The following HPSE variants were observed in gnomAD, a reference collection of about 807,000 sequenced individuals.
HPSE encodes endo-glucoronidase.
A neutral mutation model predicts 65.1 loss-of-function variants in HPSE; 48 were observed. The ratio of observed to expected loss-of-function variants is 0.74; its 90% CI spans 0.58 to 0.94. The LOEUF (loss-of-function observed/expected upper bound fraction) is 0.94. Ranked by LOEUF, HPSE falls within the 40% of genes least tolerant of loss-of-function variation. The probability of loss-of-function intolerance (pLI) is 0.00; values close to 1 mark genes in which losing one functional copy is unlikely to be tolerated. For missense variants in HPSE, 644 were observed against 637.5 expected, an observed-to-expected ratio of 1.01 and a Z score of -0.11; for synonymous variants, 243 against 260.0, an observed-to-expected ratio of 0.93 and a Z score of 0.63.
At chr4:83,304,394 G>T (rs975078511) in intron 9 of HPSE, among the ~76,000 whole-genome samples, 8 of 152,188 alleles carry the variant, frequency 5.3e-5, no homozygotes, top group Admixed American at 5.2e-4. Flanking sequence ...CTTCCCAGTT[G>T]CCTTTAGCTC....
chr4:83,313,119 CCTAGTTCCCAAGAAATGT>C lies in HPSE; in HGVS notation c.650_667del (p.Asn217_Gly223delinsSer). 1 of 1,607,388 alleles carries C rather than the reference CCTAGTTCCCAAGAAATGT, an allele frequency of 6.2e-7. No individual in the cohort carries two copies. Among genetic ancestry groups the C allele is most frequent in the Non-Finnish European group, 8.5e-7 (1 of 1,174,502 alleles). On this transcript the variant is annotated inframe_deletion, in exon 4 of 12. Coordinates refer to ENST00000311412, the MANE Select transcript of HPSE (RefSeq NM_001098540.3). Reference sequence around the variant, plus strand: ...TTGTTCCCTGGGGTACTCACCATTGCCTAGTTCCCAAGAAATGTTATACCCCTTGGAAGAGCAGTAGTC... The same window carrying C: ...TTGTTCCCTGGGGTACTCACCATTGCTATACCCCTTGGAAGAGCAGTAGTC...
chr4:83,300,447 T>C (rs1009462893), intron 11 of HPSE, among the ~76,000 whole-genome samples: 3 of 152,248 alleles, frequency 2.0e-5, no homozygotes, highest in African/African-American at 7.2e-5. Flanking sequence ...AAATGCAAAC[T>C]TATTCTCTAA....
intron 3 of HPSE, 69 bp from the exon 4 acceptor site, chr4:83,313,356 C>A: frequency 1.1e-6 from 1 of 928,168 alleles, no homozygotes; most frequent in South Asian, 2.1e-5. Context: ...ATTCGCTTTT[C>A]ATAATGAATA....
chr4:83,304,014 C>A lies in HPSE; in HGVS notation c.1207-1746G>T, dbSNP rs1344612547. ...TGGACCTCTGTAACAAGACAGAAAA[C>A]AGGAGAAAACAAACAGAAGCTTGTT... is the stretch of plus-strand genomic sequence containing the variant. On this transcript the variant is annotated intron_variant, in intron 9 of 11. Transcript: ENST00000311412. Among the ~76,000 whole-genome samples, 4 of 17,784 alleles carry A rather than the reference C, an allele frequency of 2.2e-4. No homozygotes were observed. In the South Asian group the frequency reaches 0.29, roughly 1,270 times the overall value. 11.7% of individuals were successfully genotyped at this position (17,784 alleles called of 152,430 possible). A position where few individuals can be genotyped will look rare whatever the true frequency, so the allele number is the denominator to read the frequency against.
At chr4:83,321,882 G>A (rs1055181772) in intron 2 of HPSE, among the ~76,000 whole-genome samples, 26 of 151,556 alleles carry the variant, frequency 1.7e-4, no homozygotes, top group African/African-American at 5.1e-4. Context: ...TTAGTTTGAC[G>A]CGATTCTACC....
chr4:83,319,848 G>A (rs777065176), intron 2 of HPSE, among the ~76,000 whole-genome samples: 3 of 151,838 alleles, frequency 2.0e-5, no homozygotes, highest in Non-Finnish European at 4.4e-5. Flanking sequence ...ATCACTTGAG[G>A]TCAGGAGTTC....
rs754483152 is a variant in HPSE at position 83,322,471 on chromosome 4, G to A, written c.228-107C>T. 189 of 902,196 alleles carry A rather than the reference G, an allele frequency of 2.1e-4. 1 individual carries two copies. The highest frequency in any genetic ancestry group is 1.8e-4 in the Non-Finnish European group (113 of 613,270). The allele number at this position is 902,196 out of a possible 1,614,324, so 55.9% of individuals were successfully genotyped here. On this transcript the variant is annotated intron_variant, in intron 1 of 11. Transcript: ENST00000311412. ...TGGACCTATTTCTTAACATTTCCCTGTGCAGGACTTAGAGGAGGAAATCAC... is the reference window on the plus strand; with the variant it reads ...TGGACCTATTTCTTAACATTTCCCTATGCAGGACTTAGAGGAGGAAATCAC...
chr4:83,297,942 A>G (rs780970106), intron 11 of HPSE, among the ~76,000 whole-genome samples: 55 of 152,216 alleles, frequency 3.6e-4, no homozygotes, highest in Non-Finnish European at 4.6e-4. Context: ...GCTTTTGGAG[A>G]GGATATTTTG....
intron 10 of HPSE, among the ~76,000 whole-genome samples, chr4:83,301,528 A>T (rs1043881120): frequency 6.6e-6 from 1 of 152,234 alleles, no homozygotes; most frequent in Non-Finnish European, 1.5e-5. Flanking sequence ...ACTGAAATGT[A>T]TAAGAAAATT....
rs769619708 is a variant in HPSE at position 83,309,395 on chromosome 4, C to G, written c.984+7G>C. 3.4e-6 allele frequency: 5 copies of G among 1,453,192 alleles called. No homozygotes were observed. Among genetic ancestry groups the G allele is most frequent in the Non-Finnish European group, 4.8e-6 (5 of 1,049,150 alleles). The allele number at this position is 1,453,192 out of a possible 1,614,324, so 90.0% of individuals were successfully genotyped here. A position where few individuals can be genotyped will look rare whatever the true frequency, so the allele number is the denominator to read the frequency against. On this transcript the variant is annotated splice_region_variant and intron_variant, in intron 7 of 11. Coordinates refer to ENST00000311412, the MANE Select transcript of HPSE (RefSeq NM_001098540.3). ...TTTTACATTAAAAAGTTTAAAAAGA[C>G]TATTACCTGGAAAACTTTTTGCACA...
At position 83,301,086 on chromosome 4, in the gene HPSE, T is replaced by A. The variant is rs749283009; in HGVS notation, c.1346A>T (p.Asp449Val). ...GAGGTTTATGGCATACAGAGTTAAA[T>A]CTCCTTCTTTATACCTTGGACTAAA... is the stretch of plus-strand genomic sequence containing the variant. The part of the protein sequence containing the change: ...NTDNPRYKEG[D>V]LTLYAINLHN... The change falls in exon 11 of 12, where the codon GAT becomes GTT. Residue 449 changes from aspartate (D) to valine (V), a missense_variant. By Grantham distance (152) the Asp-to-Val change is radical. Coordinates refer to ENST00000311412, the MANE Select transcript of HPSE (RefSeq NM_001098540.3). 3 of 1,598,662 alleles carry A rather than the reference T, an allele frequency of 1.9e-6. No individual in the cohort carries two copies. The highest frequency in any genetic ancestry group is 2.6e-6 in the Non-Finnish European group (3 of 1,172,188).
chr4:83,303,448 G>A (rs1381167916), intron 9 of HPSE, among the ~76,000 whole-genome samples: 1 of 130,772 alleles, frequency 7.6e-6, no homozygotes, highest in Non-Finnish European at 1.7e-5. Flanking sequence ...TTTAGACAAG[G>A]AAAATGTGAG....
chr4:83,320,941 T>C (rs1463249909), intron 2 of HPSE, among the ~76,000 whole-genome samples: 1 of 152,248 alleles, frequency 6.6e-6, no homozygotes, highest in East Asian at 1.9e-4. Context: ...TGGCTATGCC[T>C]ATAATCCCAA....
chr4:83,303,141 C>CA (rs59385548), intron 9 of HPSE, among the ~76,000 whole-genome samples: 141,661 of 151,978 alleles, frequency 0.93, 66,834 homozygotes, highest in East Asian at 1. Flanking sequence ...AGAATTCTTG[C>CA]AAAAAAATAC....
intron 4 of HPSE, among the ~76,000 whole-genome samples, chr4:83,312,053 G>A (rs1166906217): frequency 6.6e-6 from 1 of 152,184 alleles, no homozygotes; most frequent in South Asian, 2.1e-4. Context: ...GGTAATGAAG[G>A]TTGCAATGGG....
chr4:83,295,584 T>C, intron 11 of HPSE, 81 bp from the exon 12 acceptor site: 1 of 1,220,342 alleles, frequency 8.2e-7, no homozygotes, highest in South Asian at 2.0e-5. Context: ...GAAATCTTTT[T>C]TAGACCAAAT....
intron 8 of HPSE, among the ~76,000 whole-genome samples, chr4:83,306,553 C>G (rs1326619773): frequency 6.6e-6 from 1 of 152,126 alleles, no homozygotes; most frequent in Non-Finnish European, 1.5e-5. Context: ...GTAGCTGGGA[C>G]TGAAACCGCC....
At chr4:83,331,528 CAGTT>C (rs1326705164) in intron 1 of HPSE, among the ~76,000 whole-genome samples, 1 of 152,178 alleles carries the variant, frequency 6.6e-6, no homozygotes, top group Non-Finnish European at 1.5e-5. Context: ...GTTCTGCACA[CAGTT>C]AGGCTTAGGA....
intron 1 of HPSE, among the ~76,000 whole-genome samples, chr4:83,327,580 C>G (rs905108561): frequency 6.6e-6 from 1 of 152,082 alleles, no homozygotes; most frequent in Non-Finnish European, 1.5e-5. Flanking sequence ...TATTCTATTT[C>G]TAGAGCAGTT....
Sources: gnomAD v4.1 joint callset for allele counts (sites outside exome capture counted in the v4.1 genomes callset) on GRCh38, gnomAD v4.1.1 for gene constraint, MANE v1.5 for transcripts, NCBI Gene and HGNC (gene_info 2026-07-23, HGNC 2026-07-21) for gene names.